RNF220: variants seen among roughly 807,000 people sequenced by gnomAD.
RNF220 encodes the protein ring finger protein 220, also known as E3 ubiquitin-protein ligase RNF220.
Under a neutral mutation model 67.1 loss-of-function variants are expected in RNF220, and 7 were observed. The observed-to-expected ratio is 0.10, with a 90% CI of 0.06 to 0.20. The LOEUF is 0.20. RNF220 is among the 10% of genes least tolerant of loss of function. The pLI is 1.00. For synonymous variants in RNF220, 270 were observed against 283.2 expected (o/e 0.95, Z 0.47); for missense variants, 565 against 740.3 (o/e 0.76, Z 2.75).
At chr1:44,519,653 G>A (rs896257295) in intron 2 of RNF220, among the ~76,000 whole-genome samples, 3 of 152,156 alleles carry the variant, frequency 2.0e-5, no homozygotes, top group African/African-American at 2.4e-5. Flanking sequence ...GGTGCTCCAC[G>A]GACAGTAGTA....
intron 2 of RNF220, among the ~76,000 whole-genome samples, chr1:44,544,473 T>C (rs926149773): frequency 1.3e-5 from 2 of 152,256 alleles, no homozygotes; most frequent in African/African-American, 2.4e-5. Flanking sequence ...TTCATGCATG[T>C]AAGTGCTGAG....
chr1:44,496,101 G>A (rs1479399850), intron 2 of RNF220, among the ~76,000 whole-genome samples: 3 of 152,228 alleles, frequency 2.0e-5, no homozygotes, highest in East Asian at 1.9e-4. Context: ...AGAAGGAGCC[G>A]TGTAGCTGCA....
intron 2 of RNF220, among the ~76,000 whole-genome samples, chr1:44,446,627 T>G (rs1328779719): frequency 6.6e-6 from 1 of 151,238 alleles, no homozygotes; most frequent in Non-Finnish European, 1.5e-5. Context: ...TGGCGTGATC[T>G]CGGCTCACTG....
chr1:44,612,274 T>C (rs1041157241), intron 2 of RNF220, among the ~76,000 whole-genome samples: 7 of 152,218 alleles, frequency 4.6e-5, no homozygotes, highest in African/African-American at 1.4e-4. Flanking sequence ...CTCTTTTGCT[T>C]CATCATGGAG....
rs1040482682 is a variant in RNF220, at chr1:44,650,366, G to A, written c.1630-338G>A. ...AGGAGCAGCCATTAAAATGTCGCCC[G>A]GAGACAGTAATAAAAGGCTCGGACG... On this transcript the variant is annotated intron_variant, in intron 14 of 14. Transcript: ENST00000361799. The surrounding 1 kb of genome is among the most constrained non-coding windows in gnomAD (Gnocchi z 4.3). 41 of 469,826 alleles carry A rather than the reference G, an allele frequency of 8.7e-5. No homozygotes were observed. Among genetic ancestry groups the A allele is most frequent in the Non-Finnish European group, 7.4e-5 (19 of 257,572 alleles). 29.1% of individuals were successfully genotyped at this position (469,826 alleles called of 1,614,324 possible).
chr1:44,419,563 G>C (rs1359826882), intron 2 of RNF220: 1 of 152,156 alleles, frequency 6.6e-6, no homozygotes, highest in East Asian at 1.9e-4. Flanking sequence ...TCATCTAAAA[G>C]GGTTTAGTGT....
intron 2 of RNF220, among the ~76,000 whole-genome samples, chr1:44,613,297 T>C (rs1230708938): frequency 4.0e-5 from 6 of 149,060 alleles, no homozygotes; most frequent in Admixed American, 1.3e-4. Context: ...GGGATGTTTC[T>C]GGATTAATAG....
At chr1:44,507,179 C>T (rs1235152376) in intron 2 of RNF220, among the ~76,000 whole-genome samples, 1 of 152,168 alleles carries the variant, frequency 6.6e-6, no homozygotes, top group African/African-American at 2.4e-5. Context: ...TTCTAGCGGC[C>T]GGATCTCTTC....
chr1:44,574,592 A>G (rs1664675934), intron 2 of RNF220, among the ~76,000 whole-genome samples: 1 of 152,208 alleles, frequency 6.6e-6, no homozygotes, highest in African/African-American at 2.4e-5. Context: ...CTGGCCCTTC[A>G]GTGCTATTTT....
rs1553208942 is a variant in RNF220 at position 44,405,391 on chromosome 1, T to TGCTGCCGCTGCCGCCGCC, written c.-254_-237dup. 10 of 630,132 alleles carry TGCTGCCGCTGCCGCCGCC rather than the reference T, an allele frequency of 1.6e-5. No individual in the cohort carries two copies. In the Middle Eastern group the frequency reaches 9.7e-4, roughly 61 times the overall value. 39.0% of individuals were successfully genotyped at this position (630,132 alleles called of 1,614,324 possible). On this transcript the variant is annotated 5_prime_UTR_variant, in exon 1 of 15. Coordinates refer to ENST00000361799, the MANE Select transcript of RNF220 (RefSeq NM_018150.4). ...GCCAGCCGCCTACTGCTGCTGCTGC[T>TGCTGCCGCTGCCGCCGCC]GCTGCCGCTGCCGCCGCCGCCGCCG...
intron 1 of RNF220, among the ~76,000 whole-genome samples, chr1:44,408,531 G>A (rs1006595884): frequency 7.9e-5 from 12 of 152,174 alleles, no homozygotes; most frequent in Admixed American, 6.5e-4. Flanking sequence ...TTTTTCCTGC[G>A]TTCTTAACAA....
chr1:44,560,502 C>T (rs545897976), intron 2 of RNF220, among the ~76,000 whole-genome samples: 3 of 152,300 alleles, frequency 2.0e-5, no homozygotes, highest in African/African-American at 7.2e-5. Context: ...TGTAGAGTTT[C>T]AGAGCATTTT....
chr1:44,471,024 C>A (rs1037292715), intron 2 of RNF220, among the ~76,000 whole-genome samples: 1 of 152,024 alleles, frequency 6.6e-6, no homozygotes, highest in Non-Finnish European at 1.5e-5. Context: ...CTCAGGCATT[C>A]GAGGCTGCAG....
intron 2 of RNF220, among the ~76,000 whole-genome samples, chr1:44,554,258 C>T (rs1318865296): frequency 2.6e-5 from 4 of 152,062 alleles, no homozygotes; most frequent in Non-Finnish European, 5.9e-5. Flanking sequence ...GGACAGAGAG[C>T]AAGAGCCATT....
intron 6 of RNF220, among the ~76,000 whole-genome samples, chr1:44,634,492 C>G (rs1170778234): frequency 6.6e-6 from 1 of 152,200 alleles, no homozygotes; most frequent in Admixed American, 6.5e-5. Context: ...CATTCATGAG[C>G]TTCCCGTTAG....
intron 2 of RNF220, among the ~76,000 whole-genome samples, chr1:44,460,473 T>C (rs1572571048): frequency 6.6e-6 from 1 of 152,132 alleles, no homozygotes; most frequent in Non-Finnish European, 1.5e-5. Context: ...TTTCAAGATG[T>C]TTGGCTGAAA....
At chr1:44,608,091 T>C (rs1667409223) in intron 2 of RNF220, among the ~76,000 whole-genome samples, 1 of 152,128 alleles carries the variant, frequency 6.6e-6, no homozygotes, top group African/African-American at 2.4e-5. Flanking sequence ...AGCTGGCTAA[T>C]TTTTTAATTT....
At chr1:44,602,360 G>A (rs1399494811) in intron 2 of RNF220, among the ~76,000 whole-genome samples, 1 of 152,108 alleles carries the variant, frequency 6.6e-6, no homozygotes. Flanking sequence ...GGAGCATGGA[G>A]TTGGGAGAAT....
At chr1:44,409,043 C>G (rs1435675582) in intron 1 of RNF220, 2 of 152,256 alleles carry the variant, frequency 1.3e-5, no homozygotes, top group African/African-American at 2.4e-5. Context: ...TCAGCCCAGC[C>G]TCAGACATTT....
Sources: gnomAD v4.1 joint callset for allele counts (sites outside exome capture counted in the v4.1 genomes callset) on GRCh38, gnomAD v4.1.1 for gene constraint, Gnocchi (gnomAD v3.1) non-coding constraint, MANE v1.5 for transcripts, NCBI Gene and HGNC (gene_info 2026-07-23, HGNC 2026-07-21) for gene names.